PER3: variants seen among roughly 807,000 people sequenced by gnomAD.
The protein encoded by PER3 is period circadian regulator 3, also known as period circadian protein homolog 3.
A neutral mutation model predicts 127.2 loss-of-function variants in PER3; 107 were observed. The observed-to-expected ratio is 0.84, with a 90% confidence interval of 0.72 to 0.99. The LOEUF (loss-of-function observed/expected upper bound fraction) is 0.99, where lower values mean the gene tolerates loss of function less well. Ranked by LOEUF, PER3 falls within the 50% of genes least tolerant of loss-of-function variation. PER3 has a pLI of 0.00. For synonymous variants in PER3, 618 were observed against 585.8 expected (o/e 1.05, Z -0.79); for missense variants, 1,560 against 1,525.8 (o/e 1.02, Z -0.37).
intron 19 of PER3, among the ~76,000 whole-genome samples, chr1:7,832,761 A>G (rs1053324690): frequency 6.7e-6 from 1 of 150,182 alleles, no homozygotes; most frequent in African/African-American, 2.4e-5. Context: ...TACTTGTTAG[A>G]TCTTTGAATT....
intron 10 of PER3, 69 bp downstream of exon 10, chr1:7,803,917 C>T (rs993721124): frequency 7.9e-7 from 1 of 1,273,848 alleles, no homozygotes; most frequent in Non-Finnish European, 1.1e-6. Flanking sequence ...AGCTTATTGA[C>T]TGCCCTCTGA....
chr1:7,837,589 TAA>T (rs1222924058), intron 21 of PER3, among the ~76,000 whole-genome samples: 1 of 152,222 alleles, frequency 6.6e-6, no homozygotes, highest in African/African-American at 2.4e-5. Flanking sequence ...TAATGGGACT[TAA>T]GTGTCTTTTT....
intron 10 of PER3, among the ~76,000 whole-genome samples, chr1:7,804,797 T>C (rs2097185937): frequency 6.6e-6 from 1 of 151,948 alleles, no homozygotes; most frequent in Admixed American, 6.6e-5. Context: ...TCATGTGGAA[T>C]GGAACGAGAC....
In PER3 at chr1:7,843,002, T is replaced by C. The variant is rs1362752629; in HGVS notation, c.*247T>C. The C allele has an allele frequency of 7.5e-6, 2 of 268,308 alleles. No individual in the cohort carries two copies. Among genetic ancestry groups the C allele is most frequent in the Non-Finnish European group, 1.4e-5 (2 of 139,074 alleles). The allele number at this position is 268,308 out of a possible 1,614,324, so 16.6% of individuals were successfully genotyped here. A position where few individuals can be genotyped will look rare whatever the true frequency, so the allele number is the denominator to read the frequency against. ...GTAGTTGAATTGTCTTCTAAAGAGA[T>C]TGGATGGCCTCTAAAGAGGTATGTG... On this transcript the variant is annotated 3_prime_UTR_variant, in exon 22 of 22. Coordinates refer to ENST00000377532, the MANE Select transcript of PER3 (RefSeq NM_001377275.1).
intron 5 of PER3, among the ~76,000 whole-genome samples, chr1:7,788,939 T>G (rs1221150732): frequency 3.3e-5 from 5 of 151,658 alleles, no homozygotes; most frequent in African/African-American, 1.2e-4. Context: ...GATCATTAGC[T>G]CTCTTACAGT....
intron 8 of PER3, 113 bp downstream of exon 8, chr1:7,801,304 T>C: frequency 6.4e-6 from 4 of 622,462 alleles, no homozygotes; most frequent in Non-Finnish European, 1.1e-5. Context: ...ATCTGTCCAT[T>C]TGCCTATTTG....
At position 7,810,422 on chromosome 1, in the gene PER3, C is replaced by T; in HGVS notation, c.1372-16C>T. On this transcript the variant is annotated splice_polypyrimidine_tract_variant and intron_variant, in intron 12 of 21. Transcript: ENST00000377532. The stretch of plus-strand genomic sequence containing the variant: ...TTATAATTTTTGAAACATATTTTAT[C>T]ATTCCTTTCCCTAAGATGACCTTGC... 2.6e-6 allele frequency: 4 copies of T among 1,556,674 alleles called. No individual in the cohort carries two copies. Among genetic ancestry groups the T allele is most frequent in the Non-Finnish European group, 3.5e-6 (4 of 1,147,286 alleles).
In PER3 at chr1:7,798,533, A is replaced by G; in HGVS notation, c.653A>G (p.Glu218Gly). 1 of 1,613,668 alleles carries G rather than the reference A, an allele frequency of 6.2e-7. No individual in the cohort carries two copies. The highest frequency in any genetic ancestry group is 8.5e-7 in the Non-Finnish European group (1 of 1,179,650). ...KPFFCRIRGG[E>G]DRKQEKCHSP... ...ATCTTTAATCTCCTCAGTGGAGGTG[A>G]AGACAGAAAGCAAGAGAAGTGTCAC... Residue 218 changes from glutamate (E) to glycine (G), a missense_variant, in exon 7 of 22, where the codon GAA becomes GGA. Glu to Gly is a moderately conservative substitution (Grantham distance 98). Coordinates refer to ENST00000377532, the MANE Select transcript of PER3 (RefSeq NM_001377275.1).
intron 5 of PER3, 121 bp downstream of exon 5, chr1:7,788,367 C>G (rs913870834): frequency 4.3e-6 from 3 of 701,754 alleles, no homozygotes; most frequent in Non-Finnish European, 7.2e-6. Flanking sequence ...TTTTCTTATT[C>G]CTGTTATAGA....
Position 7,843,758 on chromosome 1 carries a change from A to T in PER3, c.*1003A>T. ...GGGGACTGCAAAAGAGAAAACGTCC[A>T]GGCGAGCCCAGTTGTCCTCGCCCAC... On this transcript the variant is annotated 3_prime_UTR_variant, in exon 22 of 22. Coordinates refer to ENST00000377532, the MANE Select transcript of PER3 (RefSeq NM_001377275.1). 1 of 259,862 alleles carries T rather than the reference A, an allele frequency of 3.8e-6. No homozygotes were observed. The highest frequency in any genetic ancestry group is 6.7e-6 in the Non-Finnish European group (1 of 148,618). The allele number at this position is 259,862 out of a possible 1,614,324, so 16.1% of individuals were successfully genotyped here. A position where few individuals can be genotyped will look rare whatever the true frequency, so the allele number is the denominator to read the frequency against.
chr1:7,833,658 A>G (rs988904331), intron 19 of PER3, among the ~76,000 whole-genome samples: 9 of 152,136 alleles, frequency 5.9e-5, no homozygotes, highest in African/African-American at 1.7e-4. Flanking sequence ...TAACCACCAT[A>G]TAGTTGGGTA....
intron 16 of PER3, among the ~76,000 whole-genome samples, chr1:7,824,463 T>G (rs900736562): frequency 1.3e-5 from 2 of 152,174 alleles, no homozygotes; most frequent in African/African-American, 4.8e-5. Context: ...CAAGATTGCT[T>G]TGACTGTTAG....
At chr1:7,832,656 A>C (rs918995824) in intron 19 of PER3, among the ~76,000 whole-genome samples, 11 of 151,786 alleles carry the variant, frequency 7.2e-5, no homozygotes, top group Admixed American at 1.3e-4. Flanking sequence ...TACAAGCATC[A>C]TCCACCGTGT....
At chr1:7,830,309 G>A in intron 19 of PER3, 148 bp downstream of exon 19, 2 of 680,014 alleles carry the variant, frequency 2.9e-6, no homozygotes, top group Non-Finnish European at 2.5e-6. Flanking sequence ...GTATATTGGG[G>A]TATATTTATA....
At chr1:7,817,532 C>T (rs974029924) in intron 13 of PER3, among the ~76,000 whole-genome samples, 9 of 152,126 alleles carry the variant, frequency 5.9e-5, no homozygotes, top group Non-Finnish European at 8.8e-5. Context: ...AATTCTAAAG[C>T]GACTTTATAC....
intron 4 of PER3, 53 bp from the exon 5 acceptor site, chr1:7,787,992 A>G: frequency 3.1e-6 from 4 of 1,292,212 alleles, no homozygotes; most frequent in Non-Finnish European, 3.4e-6. Flanking sequence ...CTTTCAGGGA[A>G]TATTGCTAGT....
rs2097265612 is a variant in PER3 at position 7,819,392 on chromosome 1, C to G, written c.1630C>G (p.Gln544Glu). ...CGATGAGCACAGCCCATCCTATCAACAGATCAACTGTATCGACAGTGTCAT... is the reference window on the plus strand; with the variant it reads ...CGATGAGCACAGCCCATCCTATCAAGAGATCAACTGTATCGACAGTGTCAT... ...RNDEHSPSYQ[Q>E]INCIDSVIRY... The change falls in exon 14 of 22, where the codon CAG (glutamine) becomes GAG (glutamate). Residue 544 changes from glutamine to glutamate, a missense_variant. Coordinates refer to ENST00000377532, the MANE Select transcript of PER3 (RefSeq NM_001377275.1). 1 of 1,614,032 alleles carries G rather than the reference C, an allele frequency of 6.2e-7. No homozygotes were observed. Among genetic ancestry groups the G allele is most frequent in the East Asian group, 2.2e-5 (1 of 44,882 alleles).
chr1:7,842,118 C>T (rs1378029219), intron 21 of PER3, among the ~76,000 whole-genome samples: 2 of 152,176 alleles, frequency 1.3e-5, no homozygotes, highest in African/African-American at 4.8e-5. Flanking sequence ...GATAATCTTA[C>T]AAGACCACCA....
At chr1:7,791,726 C>T (rs549065239) in intron 5 of PER3, among the ~76,000 whole-genome samples, 2 of 152,300 alleles carry the variant, frequency 1.3e-5, no homozygotes, top group Admixed American at 6.5e-5. Context: ...GAAATTTCTT[C>T]CGTCAGATAC....
Sources: allele counts gnomAD v4.1 joint callset (sites outside exome capture counted in the v4.1 genomes callset), GRCh38; gene constraint gnomAD v4.1.1; transcripts MANE v1.5; gene names NCBI Gene and HGNC (gene_info 2026-07-23, HGNC 2026-07-21).